The following PRKN variants were observed in gnomAD, a reference collection of about 807,000 sequenced individuals.
The protein encoded by PRKN is parkin RBR E3 ubiquitin protein ligase.
A neutral mutation model predicts 59.5 loss-of-function variants in PRKN; 56 were observed. That is an observed-to-expected ratio of 0.94 (90% CI 0.76 to 1.18). PRKN has a LOEUF of 1.18. PRKN is among the 50% of genes most tolerant of loss of function. PRKN has a pLI of 0.00. For synonymous variants in PRKN, 250 were observed against 222.1 expected (o/e 1.13, Z -1.12); for missense variants, 657 against 596.4 (o/e 1.10, Z -1.06).
chr6:162,026,195 A>G (rs1783428101), intron 5 of PRKN, among the ~76,000 whole-genome samples: 1 of 152,000 alleles, frequency 6.6e-6, no homozygotes, highest in African/African-American at 2.4e-5. Context: ...CACTTCCGCA[A>G]CTCCGTGAAG....
chr6:162,329,411 G>A (rs562290669), intron 2 of PRKN, among the ~76,000 whole-genome samples: 1 of 152,200 alleles, frequency 6.6e-6, no homozygotes, highest in South Asian at 2.1e-4. Context: ...TAGCACTACA[G>A]GGTCCTAAGG....
At chr6:162,299,384 G>T (rs1168045561) in intron 2 of PRKN, among the ~76,000 whole-genome samples, 1 of 152,128 alleles carries the variant, frequency 6.6e-6, no homozygotes, top group Non-Finnish European at 1.5e-5. Flanking sequence ...TAGGTGGAAG[G>T]TGGAATGGGC....
intron 6 of PRKN, among the ~76,000 whole-genome samples, chr6:161,873,079 A>G (rs1794410648): frequency 6.6e-6 from 1 of 151,860 alleles, no homozygotes; most frequent in Non-Finnish European, 1.5e-5. Flanking sequence ...TCGATGAAAT[A>G]AATCGGCTGA....
At chr6:161,766,880 G>T (rs9365324) in intron 7 of PRKN, among the ~76,000 whole-genome samples, 75,563 of 151,958 alleles carry the variant, frequency 0.5, 19,148 homozygotes, top group East Asian at 0.58. Flanking sequence ...GAGGGAAAAT[G>T]AACTTTACAG....
At chr6:161,430,672 C>T (rs6455729) in intron 9 of PRKN, among the ~76,000 whole-genome samples, 54,102 of 151,240 alleles carry the variant, frequency 0.36, 10,126 homozygotes, top group Non-Finnish European at 0.42. Flanking sequence ...AAAATTAGCC[C>T]GGCATAGTGG....
chr6:162,205,356 C>T (rs1045869742), intron 3 of PRKN, among the ~76,000 whole-genome samples: 6 of 152,024 alleles, frequency 3.9e-5, no homozygotes, highest in Non-Finnish European at 8.8e-5. Flanking sequence ...ATAATCTTTA[C>T]AGTTATCATT....
At chr6:162,048,659 GA>G (rs1386741732) in intron 5 of PRKN, among the ~76,000 whole-genome samples, 2 of 149,056 alleles carry the variant, frequency 1.3e-5, no homozygotes, top group Admixed American at 6.8e-5. Context: ...GGCCACATAG[GA>G]AGAAGAATAA....
chr6:161,368,591 A>G (rs1286044342), intron 10 of PRKN, among the ~76,000 whole-genome samples: 5 of 151,594 alleles, frequency 3.3e-5, no homozygotes, highest in East Asian at 2.0e-4. Flanking sequence ...CACCACCACC[A>G]GCACCCAGCT....
chr6:161,534,158 G>A (rs1197687855), intron 9 of PRKN, among the ~76,000 whole-genome samples: 5 of 152,050 alleles, frequency 3.3e-5, no homozygotes, highest in African/African-American at 7.2e-5. Context: ...CAGGCACCAT[G>A]AGCCCACGAC....
intron 6 of PRKN, among the ~76,000 whole-genome samples, chr6:161,874,166 T>A (rs1442421186): frequency 4.1e-4 from 20 of 48,750 alleles, no homozygotes; most frequent in East Asian, 1.7e-3. Context: ...TTATATATAA[T>A]ATATAATATA....
At chr6:162,261,180 G>A (rs1007942847) in intron 3 of PRKN, among the ~76,000 whole-genome samples, 1 of 152,134 alleles carries the variant, frequency 6.6e-6, no homozygotes, top group African/African-American at 2.4e-5. Flanking sequence ...CAGAGACTCT[G>A]TCCTCCTCAT....
At chr6:162,338,593 G>A (rs1200502138) in intron 2 of PRKN, among the ~76,000 whole-genome samples, 7 of 152,052 alleles carry the variant, frequency 4.6e-5, no homozygotes, top group South Asian at 4.1e-4. Context: ...GCGTGATCTC[G>A]GCTCACTACA....
At chr6:162,712,445 T>G (rs1471701297) in intron 1 of PRKN, among the ~76,000 whole-genome samples, 1 of 152,200 alleles carries the variant, frequency 6.6e-6, no homozygotes, top group Non-Finnish European at 1.5e-5. Context: ...AATGCAAACC[T>G]ACTGCATGCA....
intron 8 of PRKN, among the ~76,000 whole-genome samples, chr6:161,568,961 CA>C (rs1380360016): frequency 7.1e-6 from 1 of 141,694 alleles, no homozygotes; most frequent in African/African-American, 2.8e-5. Flanking sequence ...ACACCCAATA[CA>C]AAAACCTGGT....
At chr6:161,728,244 G>GAA (rs34388276) in intron 7 of PRKN, among the ~76,000 whole-genome samples, 34 of 145,384 alleles carry the variant, frequency 2.3e-4, no homozygotes, top group South Asian at 2.0e-3. Context: ...CAAAATGTGA[G>GAA]AAAAAAAAAA....
chr6:162,604,598 C>T (rs1781833192), intron 1 of PRKN, among the ~76,000 whole-genome samples: 1 of 151,896 alleles, frequency 6.6e-6, no homozygotes, highest in African/African-American at 2.4e-5. Flanking sequence ...TGTTTTTCCC[C>T]CACACTCATC....
chr6:161,868,581 T>TAAAAC (rs1316576735), intron 6 of PRKN, among the ~76,000 whole-genome samples: 1 of 151,776 alleles, frequency 6.6e-6, no homozygotes, highest in African/African-American at 2.4e-5. Context: ...ACTCTGTCTC[T>TAAAAC]AAAACAAAAC....
At chr6:162,007,793 G>A (rs933454761) in intron 5 of PRKN, among the ~76,000 whole-genome samples, 3 of 152,102 alleles carry the variant, frequency 2.0e-5, no homozygotes, top group Admixed American at 1.3e-4. Context: ...GCTATCCTGA[G>A]TTCTCTATAA....
chr6:161,813,485 T>C (rs1011946736), intron 6 of PRKN, among the ~76,000 whole-genome samples: 2 of 152,230 alleles, frequency 1.3e-5, no homozygotes, highest in East Asian at 1.9e-4. Context: ...GGAAAAGACC[T>C]GTCTGGCCTT....
Sources: gnomAD v4.1 joint callset for allele counts (sites outside exome capture counted in the v4.1 genomes callset) on GRCh38, gnomAD v4.1.1 for gene constraint, MANE v1.5 for transcripts, NCBI Gene and HGNC (gene_info 2026-07-23, HGNC 2026-07-21) for gene names.